The following FNIP2 variants were observed in gnomAD, a reference collection of about 807,000 sequenced individuals.
FNIP2 encodes folliculin interacting protein 2.
Under a neutral mutation model 108.7 loss-of-function variants are expected in FNIP2, and 32 were observed. The observed-to-expected ratio is 0.29, with a 90% CI of 0.22 to 0.40. The LOEUF is 0.40. FNIP2 is among the 10% of genes least tolerant of loss of function. FNIP2 has a pLI of 1.00. For synonymous variants in FNIP2, 480 were observed against 496.7 expected (o/e 0.97, Z 0.45); for missense variants, 1,202 against 1,381.6 (o/e 0.87, Z 2.06).
chr4:158,878,087 G>A (rs1162832560), intron 14 of FNIP2, among the ~76,000 whole-genome samples: 1 of 152,038 alleles, frequency 6.6e-6, no homozygotes, highest in Admixed American at 6.6e-5. Context: ...CCTCACTGCT[G>A]CCCCATTGTT....
chr4:158,786,006 C>T lies in FNIP2; in HGVS notation c.107+16687C>T, dbSNP rs73858555. Among the ~76,000 whole-genome samples the T allele has an allele frequency of 6.1e-3, 932 of 152,024 alleles. 9 individuals are homozygous for T. Among genetic ancestry groups the T allele is most frequent in the African/African-American group, 0.021 (886 of 41,476 alleles). On this transcript the variant is annotated intron_variant, in intron 1 of 16. Transcript: ENST00000264433. ...AGAATAGTTTGAAGATCTTTTTTGCCTAAACCAATCTGACCTTTGCCTGGA... is the reference window on the plus strand; with the variant it reads ...AGAATAGTTTGAAGATCTTTTTTGCTTAAACCAATCTGACCTTTGCCTGGA...
chr4:158,864,498 A>G lies in FNIP2; in HGVS notation c.1465+2722A>G, dbSNP rs577467674. Among the ~76,000 whole-genome samples the G allele has an allele frequency of 3.3e-5, 5 of 152,324 alleles. 1 individual carries two copies. In the South Asian group the frequency reaches 1.0e-3, roughly 32 times the overall value. On this transcript the variant is annotated intron_variant, in intron 12 of 16. Transcript: ENST00000264433. ...AGACGTTATTAGAATGTGATCAGGA[A>G]TAAGTGTGCCTTTAAGATACTAAAC...
intron 8 of FNIP2, 114 bp from the exon 9 acceptor site, chr4:158,858,943 G>C (rs1780137480): frequency 5.0e-6 from 4 of 797,918 alleles, no homozygotes; most frequent in Non-Finnish European, 6.1e-6. Context: ...ACTAAAGGCA[G>C]AGATACTCTT....
intron 7 of FNIP2, among the ~76,000 whole-genome samples, chr4:158,838,604 A>T (rs1778945803): frequency 6.6e-6 from 1 of 152,350 alleles, no homozygotes; most frequent in East Asian, 1.9e-4. Context: ...TAGAAGTTTT[A>T]GACTTACAGA....
At chr4:158,810,346 C>T (rs1022114254) in intron 1 of FNIP2, among the ~76,000 whole-genome samples, 2 of 152,116 alleles carry the variant, frequency 1.3e-5, no homozygotes, top group Admixed American at 6.6e-5. Flanking sequence ...ACAGAGAGGT[C>T]GTAAATGGTT....
chr4:158,832,197 G>A lies in FNIP2; in HGVS notation c.554+59G>A. 3 of 1,371,104 alleles carry A rather than the reference G, an allele frequency of 2.2e-6. No homozygotes were observed. The South Asian group carries it at 3.7e-5, about 17-fold the overall frequency. 84.9% of individuals were successfully genotyped at this position (1,371,104 alleles called of 1,614,324 possible). ...TTTTTAAAGTGTGTATTTCTAGATA[G>A]ACTAATTCTTTAAGGGCCATAAGGC... On this transcript the variant is annotated intron_variant, in intron 5 of 16. Transcript: ENST00000264433.
At chr4:158,828,187 G>T (rs1340397984) in intron 2 of FNIP2, among the ~76,000 whole-genome samples, 2 of 152,156 alleles carry the variant, frequency 1.3e-5, no homozygotes, top group Non-Finnish European at 1.5e-5. Context: ...AACCTTTGAA[G>T]ACCATATTTC....
At chr4:158,782,688 C>G (rs142330157) in intron 1 of FNIP2, among the ~76,000 whole-genome samples, 27 of 151,984 alleles carry the variant, frequency 1.8e-4, no homozygotes, top group Middle Eastern at 3.4e-3. Context: ...TCAGTTCTCA[C>G]GATTGTTGTA....
rs183472275 is a variant in FNIP2 at position 158,782,269 on chromosome 4, T to C, written c.107+12950T>C. On this transcript the variant is annotated intron_variant, in intron 1 of 16. Coordinates refer to ENST00000264433, the MANE Select transcript of FNIP2 (RefSeq NM_020840.3). ...ATTTTGGTGCTGGGATGCAAGTTAG[T>C]GCAGTTTTAGTGTATATGATATATG... 1.4e-3 allele frequency among the ~76,000 whole-genome samples: 219 copies of C among 152,330 alleles called. 2 individuals are homozygous for C. The highest frequency in any genetic ancestry group is 1.6e-3 in the Non-Finnish European group (106 of 68,038).
chr4:158,838,977 G>A (rs1198485987), intron 7 of FNIP2, among the ~76,000 whole-genome samples: 1 of 152,166 alleles, frequency 6.6e-6, no homozygotes, highest in African/African-American at 2.4e-5. Flanking sequence ...TTTGGGGAAG[G>A]AAGATCATAG....
intron 1 of FNIP2, among the ~76,000 whole-genome samples, chr4:158,784,408 A>T (rs1014172103): frequency 6.6e-6 from 1 of 152,114 alleles, no homozygotes; most frequent in Non-Finnish European, 1.5e-5. Flanking sequence ...ATGGCAGACA[A>T]TTTTTCCACA....
chr4:158,839,385 G>A (rs564533602), intron 7 of FNIP2, among the ~76,000 whole-genome samples: 161 of 132,912 alleles, frequency 1.2e-3, no homozygotes, highest in African/African-American at 3.9e-3. Flanking sequence ...TTTTGGAGAC[G>A]GTCTTGCTTG....
intron 1 of FNIP2, among the ~76,000 whole-genome samples, chr4:158,787,691 C>T (rs994007910): frequency 2.0e-5 from 3 of 152,166 alleles, no homozygotes; most frequent in African/African-American, 7.2e-5. Context: ...TATCTCACAA[C>T]TATATTCTCT....
chr4:158,796,794 A>G (rs954649705), intron 1 of FNIP2, among the ~76,000 whole-genome samples: 3 of 152,212 alleles, frequency 2.0e-5, no homozygotes, highest in Non-Finnish European at 4.4e-5. Context: ...CAGAGAGTCT[A>G]GTGTCTTTCC....
At chr4:158,856,565 G>C (rs1052388045) in intron 8 of FNIP2, among the ~76,000 whole-genome samples, 1 of 152,168 alleles carries the variant, frequency 6.6e-6, no homozygotes, top group Non-Finnish European at 1.5e-5. Context: ...CCTTTCCTCA[G>C]TGCTCTGCGT....
At chr4:158,861,191 G>C (rs1036583256) in intron 10 of FNIP2, 151 bp from the exon 11 acceptor site, 1 of 897,574 alleles carries the variant, frequency 1.1e-6, no homozygotes, top group Non-Finnish European at 1.6e-6. Context: ...TGGCCCGTGG[G>C]CCATAGTGTG....
intron 1 of FNIP2, among the ~76,000 whole-genome samples, chr4:158,777,528 TGAG>T (rs1775899879): frequency 6.6e-6 from 1 of 152,170 alleles, no homozygotes; most frequent in African/African-American, 2.4e-5. Context: ...CTACCCTGTG[TGAG>T]GAGGTGAGCC....
rs533886473 is a variant in FNIP2, at chr4:158,881,247, G to T, written c.2950-10199G>T. Among the ~76,000 whole-genome samples the T allele has an allele frequency of 4.2e-3, 546 of 129,608 alleles. 1 individual carries two copies. Among genetic ancestry groups the T allele is most frequent in the African/African-American group, 0.017 (497 of 29,270 alleles). 85.0% of individuals were successfully genotyped at this position (129,608 alleles called of 152,430 possible). A position where few individuals can be genotyped will look rare whatever the true frequency, so the allele number is the denominator to read the frequency against. On this transcript the variant is annotated intron_variant, in intron 14 of 16. Transcript: ENST00000264433. Reference sequence around the variant, plus strand: ...GTCTCCCTCTCCCTCTCTTTCCACGGTCTCCCTCTCCCTCTCTTTCCACGT... The same window carrying T: ...GTCTCCCTCTCCCTCTCTTTCCACGTTCTCCCTCTCCCTCTCTTTCCACGT...
chr4:158,881,434 TCTCCCTCTCCCTCTCTTTCCAC>T lies in FNIP2; in HGVS notation c.2950-10011_2950-9990del, dbSNP rs1781615870. Among the ~76,000 whole-genome samples the T allele has an allele frequency of 7.6e-5, 11 of 144,564 alleles. No homozygotes were observed. In the South Asian group the frequency reaches 1.7e-3, roughly 22 times the overall value. The allele number at this position is 144,564 out of a possible 152,430, so 94.8% of individuals were successfully genotyped here. ...TCTCCCTCTCCCTCTCTTTCCACGG[TCTCCCTCTCCCTCTCTTTCCAC>T]GGTCTCCCTCTCCCTCTCTTTCCAC... is the stretch of plus-strand genomic sequence containing the variant. On this transcript the variant is annotated intron_variant, in intron 14 of 16. Coordinates refer to ENST00000264433, the MANE Select transcript of FNIP2 (RefSeq NM_020840.3).
Sources: gnomAD v4.1 joint callset for allele counts (sites outside exome capture counted in the v4.1 genomes callset) on GRCh38, gnomAD v4.1.1 for gene constraint, MANE v1.5 for transcripts, NCBI Gene and HGNC (gene_info 2026-07-23, HGNC 2026-07-21) for gene names.